Variants in TMEM132C observed in about 807,000 individuals in gnomAD.
The protein encoded by TMEM132C is transmembrane protein 132C.
A neutral mutation model predicts 61.4 loss-of-function variants in TMEM132C; 29 were observed. That is an observed-to-expected ratio of 0.47 (90% CI 0.35 to 0.64). The LOEUF is 0.64. Among genes scored for constraint, TMEM132C ranks in the 30% least tolerant of loss-of-function variants. The pLI, the probability that TMEM132C is intolerant of heterozygous loss-of-function variation, is 0.00. For missense variants in TMEM132C, 1,408 were observed against 1,476.9 expected, an observed-to-expected ratio of 0.95 and a Z score of 0.76; for synonymous variants, 656 against 633.1, an observed-to-expected ratio of 1.04 and a Z score of -0.54.
chr12:128,273,775 C>T (rs974373316), intron 1 of TMEM132C, among the ~76,000 whole-genome samples: 10 of 152,078 alleles, frequency 6.6e-5, no homozygotes, highest in South Asian at 2.1e-4. Context: ...AATTATGTTA[C>T]GGTGCTTTGT....
intron 2 of TMEM132C, among the ~76,000 whole-genome samples, chr12:128,542,609 C>A (rs1049468184): frequency 6.6e-6 from 1 of 152,112 alleles, no homozygotes; most frequent in East Asian, 1.9e-4. Context: ...CACCTGTAAT[C>A]CCAGCACTTT....
At chr12:128,513,963 G>A (rs564001354) in intron 2 of TMEM132C, among the ~76,000 whole-genome samples, 27 of 152,156 alleles carry the variant, frequency 1.8e-4, no homozygotes, top group Admixed American at 2.0e-4. Flanking sequence ...CCGTAGGGAG[G>A]GTGGCATCGC....
At chr12:128,544,285 G>A (rs1232908063) in intron 3 of TMEM132C, among the ~76,000 whole-genome samples, 182 bp downstream of exon 3, 2 of 152,260 alleles carry the variant, frequency 1.3e-5, no homozygotes, top group African/African-American at 4.8e-5. Context: ...CAGCAGGGCG[G>A]GGTGGGGCGC....
intron 2 of TMEM132C, among the ~76,000 whole-genome samples, chr12:128,480,288 G>T (rs906465376): frequency 6.6e-6 from 1 of 152,158 alleles, no homozygotes; most frequent in Admixed American, 6.5e-5. Flanking sequence ...TGAATTCATG[G>T]ACAGTCGGGC....
chr12:128,398,009 T>C (rs1345642748), intron 1 of TMEM132C, among the ~76,000 whole-genome samples: 7 of 152,198 alleles, frequency 4.6e-5, no homozygotes, highest in African/African-American at 7.2e-5. Flanking sequence ...TGTTGATTTT[T>C]TTCCCCCGAT....
chr12:128,541,557 T>C (rs560712225), intron 2 of TMEM132C, among the ~76,000 whole-genome samples: 25 of 152,318 alleles, frequency 1.6e-4, no homozygotes, highest in Admixed American at 5.2e-4. Context: ...TCCCAGGATT[T>C]TAGGAGCTGT....
chr12:128,610,475 T>C (rs1203420156), intron 3 of TMEM132C, among the ~76,000 whole-genome samples: 1 of 152,238 alleles, frequency 6.6e-6, no homozygotes, highest in African/African-American at 2.4e-5. Flanking sequence ...ATTCATTTGC[T>C]TTTGAGTAAG....
intron 2 of TMEM132C, among the ~76,000 whole-genome samples, chr12:128,462,915 A>G (rs987401676): frequency 6.6e-6 from 1 of 152,132 alleles, no homozygotes; most frequent in African/African-American, 2.4e-5. Context: ...TGTTTTTCTC[A>G]TAGATCAATA....
At chr12:128,516,917 A>G (rs1354952697) in intron 2 of TMEM132C, among the ~76,000 whole-genome samples, 1 of 151,854 alleles carries the variant, frequency 6.6e-6, no homozygotes, top group African/African-American at 2.4e-5. Context: ...CTGTTTCTAA[A>G]ACAATTTTGT....
chr12:128,607,018 C>T (rs899452574), intron 3 of TMEM132C, among the ~76,000 whole-genome samples: 1 of 152,064 alleles, frequency 6.6e-6, no homozygotes, highest in Non-Finnish European at 1.5e-5. Context: ...AGACACAGGA[C>T]AGGTCGGAGG....
chr12:128,520,456 C>G (rs1872864737), intron 2 of TMEM132C, among the ~76,000 whole-genome samples: 1 of 152,226 alleles, frequency 6.6e-6, no homozygotes, highest in African/African-American at 2.4e-5. Flanking sequence ...CCTTGGTTCA[C>G]CCTTCCACTG....
At chr12:128,557,312 C>T (rs921585714) in intron 3 of TMEM132C, among the ~76,000 whole-genome samples, 21 of 152,140 alleles carry the variant, frequency 1.4e-4, no homozygotes, top group Admixed American at 7.9e-4. Flanking sequence ...ACATGTGGTC[C>T]CCAGTCAAAA....
intron 2 of TMEM132C, among the ~76,000 whole-genome samples, chr12:128,426,569 A>T (rs569241805): frequency 1.5e-3 from 230 of 152,332 alleles, no homozygotes; most frequent in African/African-American, 5.2e-3. Context: ...AATGTCTCCA[A>T]AGGAAGGGTT....
intron 1 of TMEM132C, among the ~76,000 whole-genome samples, chr12:128,368,029 G>T (rs1201693146): frequency 6.6e-6 from 1 of 152,188 alleles, no homozygotes; most frequent in East Asian, 1.9e-4. Flanking sequence ...CAGAGCTCTG[G>T]CTTTATACAT....
In TMEM132C at chr12:128,378,049, G is replaced by T. The variant is rs147030488; in HGVS notation, c.86-36683G>T. On this transcript the variant is annotated intron_variant, in intron 1 of 8. Coordinates refer to ENST00000435159, the MANE Select transcript of TMEM132C (RefSeq NM_001136103.3). ...CAGGAACCCAAGCTGCCTCACCAGC[G>T]TGTTAGGGTTGTTACTGTGCCCGTT... is the stretch of plus-strand genomic sequence containing the variant. Among the ~76,000 whole-genome samples the T allele has an allele frequency of 7.4e-3, 1,127 of 152,254 alleles. 9 individuals are homozygous for T. The highest frequency in any genetic ancestry group is 0.024 in the Middle Eastern group (7 of 294).
chr12:128,429,238 C>T (rs1869302310), intron 2 of TMEM132C, among the ~76,000 whole-genome samples: 1 of 152,156 alleles, frequency 6.6e-6, no homozygotes, highest in Admixed American at 6.5e-5. Flanking sequence ...ATCTAGTAAA[C>T]AGAGATTAGA....
chr12:128,509,649 C>A (rs1872508082), intron 2 of TMEM132C, among the ~76,000 whole-genome samples: 3 of 152,104 alleles, frequency 2.0e-5, no homozygotes, highest in Admixed American at 6.6e-5. Flanking sequence ...CATTTTATGA[C>A]CAGCAGCCTG....
At chr12:128,529,279 G>T (rs1873199992) in intron 2 of TMEM132C, among the ~76,000 whole-genome samples, 1 of 152,010 alleles carries the variant, frequency 6.6e-6, no homozygotes, top group Non-Finnish European at 1.5e-5. Flanking sequence ...TTCTTGCCTA[G>T]CCATTAAATC....
intron 1 of TMEM132C, among the ~76,000 whole-genome samples, chr12:128,351,749 C>T (rs1432899759): frequency 6.6e-6 from 1 of 152,206 alleles, no homozygotes; most frequent in Admixed American, 6.5e-5. Flanking sequence ...TCTCATCAAG[C>T]TATCCATGGG....
Sources: gnomAD v4.1 joint callset for allele counts (sites outside exome capture counted in the v4.1 genomes callset) on GRCh38, gnomAD v4.1.1 for gene constraint, MANE v1.5 for transcripts, NCBI Gene and HGNC (gene_info 2026-07-23, HGNC 2026-07-21) for gene names.